The following GRID1 variants were observed in gnomAD, a reference collection of about 807,000 sequenced individuals.
The protein encoded by GRID1 is glutamate receptor ionotropic, delta-1.
In GRID1, 28 loss-of-function variants were observed where a neutral mutation model predicts 98.0. The observed-to-expected ratio is 0.29, with a 90% CI of 0.21 to 0.39. The LOEUF is 0.39. GRID1 is among the 10% of genes least tolerant of loss of function. The pLI, the probability that GRID1 is intolerant of heterozygous loss-of-function variation, is 1.00. For missense variants in GRID1, 1,111 were observed against 1,340.5 expected (o/e 0.83, Z 2.67); for synonymous variants, 553 against 538.5 (o/e 1.03, Z -0.37).
chr10:86,276,182 C>G (rs1847266721), intron 2 of GRID1, among the ~76,000 whole-genome samples: 1 of 152,190 alleles, frequency 6.6e-6, no homozygotes, highest in Non-Finnish European at 1.5e-5. Context: ...GTCAGTAAGG[C>G]TGGTTCCTTG....
chr10:85,774,011 C>T (rs543759284), intron 8 of GRID1, among the ~76,000 whole-genome samples: 12 of 152,254 alleles, frequency 7.9e-5, no homozygotes, highest in South Asian at 2.1e-4. Flanking sequence ...GAGCCCGCAT[C>T]GCCAAGTCAA....
At chr10:85,686,000 G>A (rs181068233) in intron 12 of GRID1, among the ~76,000 whole-genome samples, 262 of 152,048 alleles carry the variant, frequency 1.7e-3, no homozygotes, top group Admixed American at 3.9e-3. Context: ...AAAACCCATC[G>A]CATAAAGGTG....
chr10:85,770,423 C>T (rs984616198), intron 8 of GRID1, among the ~76,000 whole-genome samples: 10 of 152,294 alleles, frequency 6.6e-5, no homozygotes, highest in Middle Eastern at 3.4e-3. Context: ...AGCACCTCTC[C>T]TCCTCCAAAG....
chr10:86,005,053 A>T (rs945422884), intron 4 of GRID1, among the ~76,000 whole-genome samples: 1 of 152,180 alleles, frequency 6.6e-6, no homozygotes, highest in Admixed American at 6.5e-5. Context: ...CTCAAATTCT[A>T]TATCTTTTCT....
intron 3 of GRID1, among the ~76,000 whole-genome samples, chr10:86,168,891 A>C (rs1046258731): frequency 2.0e-5 from 3 of 152,204 alleles, no homozygotes; most frequent in Non-Finnish European, 2.9e-5. Context: ...CTCCCTGGGC[A>C]CAGAGTATGA....
chr10:85,751,275 T>C (rs997606721), intron 8 of GRID1, among the ~76,000 whole-genome samples: 4 of 152,264 alleles, frequency 2.6e-5, no homozygotes, highest in Non-Finnish European at 4.4e-5. Context: ...ACAAGTCACA[T>C]GCAAATGAAA....
chr10:86,044,326 C>T (rs1843389260), intron 4 of GRID1, among the ~76,000 whole-genome samples: 1 of 152,210 alleles, frequency 6.6e-6, no homozygotes, highest in South Asian at 2.1e-4. Flanking sequence ...AGCACATAAA[C>T]TTATAAACCA....
intron 15 of GRID1, chr10:85,606,886 C>T (rs1842673779): frequency 6.6e-6 from 1 of 152,208 alleles, no homozygotes; most frequent in African/African-American, 2.4e-5. Context: ...CGTTTACATC[C>T]TCATTATCCC....
intron 12 of GRID1, among the ~76,000 whole-genome samples, chr10:85,675,320 C>T (rs1841132549): frequency 6.6e-6 from 1 of 152,114 alleles, no homozygotes; most frequent in South Asian, 2.1e-4. Context: ...TTCTCCTCTC[C>T]TTTCTTTTCC....
At chr10:85,696,351 G>A (rs1220691910) in intron 12 of GRID1, among the ~76,000 whole-genome samples, 1 of 152,014 alleles carries the variant, frequency 6.6e-6, no homozygotes, top group East Asian at 1.9e-4. Flanking sequence ...ATCTAGGAAG[G>A]CCATTCTGAG....
intron 4 of GRID1, among the ~76,000 whole-genome samples, chr10:86,086,760 G>A (rs1280570437): frequency 6.6e-6 from 1 of 152,158 alleles, no homozygotes; most frequent in Non-Finnish European, 1.5e-5. Flanking sequence ...ATATGTGTGT[G>A]GACAGTGTGT....
intron 2 of GRID1, among the ~76,000 whole-genome samples, chr10:86,236,394 A>G (rs1846539646): frequency 2.0e-5 from 3 of 152,216 alleles, no homozygotes; most frequent in Admixed American, 6.5e-5. Context: ...ACCATGTTGT[A>G]GTAAAGAACA....
chr10:86,287,147 C>T (rs530720418), intron 2 of GRID1, among the ~76,000 whole-genome samples: 1 of 152,180 alleles, frequency 6.6e-6, no homozygotes, highest in Non-Finnish European at 1.5e-5. Context: ...AATGCCTGGG[C>T]ACAGGAGGTC....
intron 2 of GRID1, among the ~76,000 whole-genome samples, chr10:86,295,141 G>A (rs540350002): frequency 6.6e-6 from 1 of 152,336 alleles, no homozygotes; most frequent in East Asian, 1.9e-4. Context: ...GCCTTTTCAA[G>A]AGCTTCGCTG....
At chr10:86,204,239 G>C (rs552095309) in intron 3 of GRID1, among the ~76,000 whole-genome samples, 2 of 152,234 alleles carry the variant, frequency 1.3e-5, no homozygotes, top group African/African-American at 4.8e-5. Context: ...CCTTTGTTTT[G>C]TGTGAAAATG....
intron 2 of GRID1, among the ~76,000 whole-genome samples, chr10:86,363,474 G>A (rs1848630178): frequency 1.3e-5 from 2 of 152,232 alleles, no homozygotes; most frequent in Admixed American, 6.5e-5. Context: ...GTTATGCCCG[G>A]GAGAAGGAGA....
chr10:86,159,843 T>C (rs1421162812), intron 3 of GRID1, among the ~76,000 whole-genome samples: 1 of 152,170 alleles, frequency 6.6e-6, no homozygotes, highest in Admixed American at 6.5e-5. Context: ...AAAGCCAACC[T>C]CAGAGGATTC....
intron 15 of GRID1, among the ~76,000 whole-genome samples, chr10:85,610,537 G>C (rs1375021628): frequency 2.6e-5 from 4 of 152,206 alleles, no homozygotes; most frequent in African/African-American, 2.4e-5. Flanking sequence ...AGTTCTAACA[G>C]CTCTGAGCCC....
At chr10:85,660,600 T>G (rs1260507395) in intron 12 of GRID1, among the ~76,000 whole-genome samples, 2 of 151,816 alleles carry the variant, frequency 1.3e-5, no homozygotes, top group Admixed American at 1.3e-4. Context: ...TGCAGGACCC[T>G]ACAGTGGATC....
Sources: gnomAD v4.1 joint callset for allele counts (sites outside exome capture counted in the v4.1 genomes callset) on GRCh38, gnomAD v4.1.1 for gene constraint, MANE v1.5 for transcripts, NCBI Gene and HGNC (gene_info 2026-07-23, HGNC 2026-07-21) for gene names.